The following HS2ST1 variants were observed in gnomAD, a reference collection of about 807,000 sequenced individuals.
HS2ST1 encodes the protein 2-O-sulfotransferase.
In HS2ST1, 18 loss-of-function variants were observed where a neutral mutation model predicts 42.9. The observed-to-expected ratio is 0.42, with a 90% confidence interval of 0.29 to 0.62. The LOEUF (loss-of-function observed/expected upper bound fraction) is 0.62. HS2ST1 is among the 20% of genes least tolerant of loss of function. The probability of loss-of-function intolerance (pLI) is 0.21; values close to 1 mark genes in which losing one functional copy is unlikely to be tolerated. For synonymous variants in HS2ST1, 146 were observed against 152.9 expected (o/e 0.95, Z 0.33); for missense variants, 334 against 433.8 (o/e 0.77, Z 2.04).
chr1:86,918,653 A>AT (rs1443067265), intron 1 of HS2ST1, among the ~76,000 whole-genome samples: 1 of 152,072 alleles, frequency 6.6e-6, no homozygotes, highest in Non-Finnish European at 1.5e-5. Context: ...ATATTTTATA[A>AT]TTTAACAGAT....
At chr1:87,093,245 A>T (rs1367041165) in intron 4 of HS2ST1, among the ~76,000 whole-genome samples, 1 of 152,110 alleles carries the variant, frequency 6.6e-6, no homozygotes, top group African/African-American at 2.4e-5. Flanking sequence ...AAGACATAGG[A>T]GACACAACTG....
At chr1:87,060,990 A>G in intron 1 of HS2ST1, among the ~76,000 whole-genome samples, 1 of 152,148 alleles carries the variant, frequency 6.6e-6, no homozygotes, top group East Asian at 1.9e-4. Context: ...GTTGTGAAAG[A>G]AAATTTGATA....
chr1:86,985,082 G>A (rs1334513103), intron 1 of HS2ST1, among the ~76,000 whole-genome samples: 2 of 151,472 alleles, frequency 1.3e-5, no homozygotes, highest in Admixed American at 6.6e-5. Context: ...TTGGCCAGGC[G>A]CGGTGGCTCA....
At chr1:87,045,327 A>G in intron 1 of HS2ST1, 1 of 1,244,796 alleles carries the variant, frequency 8.0e-7, no homozygotes, top group South Asian at 1.2e-5. Context: ...CTCATTCCAA[A>G]TTCTGACAAC....
intron 1 of HS2ST1, among the ~76,000 whole-genome samples, chr1:86,943,643 C>G (rs944774221): frequency 6.6e-6 from 1 of 151,632 alleles, no homozygotes; most frequent in Non-Finnish European, 1.5e-5. Flanking sequence ...GATCTGAGCC[C>G]TGGGAGATTG....
intron 1 of HS2ST1, among the ~76,000 whole-genome samples, chr1:86,986,382 C>T (rs1648786086): frequency 6.6e-6 from 1 of 152,066 alleles, no homozygotes; most frequent in African/African-American, 2.4e-5. Flanking sequence ...TCTATCGAAA[C>T]GTGCTATTAA....
At chr1:87,002,280 G>C (rs1405067529) in intron 1 of HS2ST1, among the ~76,000 whole-genome samples, 2 of 152,096 alleles carry the variant, frequency 1.3e-5, no homozygotes, top group African/African-American at 4.8e-5. Context: ...TTTGTATGTA[G>C]CTACTATTTA....
chr1:86,951,570 T>C (rs1031281680), intron 1 of HS2ST1, among the ~76,000 whole-genome samples: 1 of 152,236 alleles, frequency 6.6e-6, no homozygotes, highest in South Asian at 2.1e-4. Flanking sequence ...TCTGAGTCTT[T>C]AGTGAGTTAT....
chr1:87,106,102 A>G lies in HS2ST1; in HGVS notation c.*1406A>G, dbSNP rs1490900147. On this transcript the variant is annotated 3_prime_UTR_variant, in exon 7 of 7. Coordinates refer to ENST00000370550, the MANE Select transcript of HS2ST1 (RefSeq NM_012262.4). ...GTAAAGCGCTATGTAAATGTAAGGT[A>G]TTATAGAAACATCTTTAACATATAG... is the stretch of plus-strand genomic sequence containing the variant. 6.6e-6 allele frequency: 1 copy of G among 152,570 alleles called. No individual in the cohort carries two copies. Among genetic ancestry groups the G allele is most frequent in the African/African-American group, 2.4e-5 (1 of 41,456 alleles). The allele number at this position is 152,570 out of a possible 1,614,324, so 9.5% of individuals were successfully genotyped here.
At chr1:86,937,254 T>G (rs897860047) in intron 1 of HS2ST1, among the ~76,000 whole-genome samples, 11 of 152,156 alleles carry the variant, frequency 7.2e-5, no homozygotes, top group Admixed American at 7.2e-4. Flanking sequence ...GCCTGCACCT[T>G]CCTCCCTCCT....
At position 87,101,035 on chromosome 1, in the gene HS2ST1, C is replaced by T. The variant is rs2100656338; in HGVS notation, c.687-2397C>T. ...TCCAACTTTAAGTCATTCCTTTGCT[C>T]TTGCATTTGATTGTAGCCTCTTAGA... On this transcript the variant is annotated intron_variant, in intron 5 of 6. Transcript: ENST00000370550. Among the ~76,000 whole-genome samples, 2 of 151,710 alleles carry T rather than the reference C, an allele frequency of 1.3e-5. 1 individual carries two copies. Among genetic ancestry groups the T allele is most frequent in the South Asian group, 4.2e-4 (2 of 4,804 alleles).
At chr1:87,010,606 A>G (rs573262734) in intron 1 of HS2ST1, among the ~76,000 whole-genome samples, 75 of 152,206 alleles carry the variant, frequency 4.9e-4, no homozygotes, top group Non-Finnish European at 8.8e-4. Context: ...CATGTTAGAT[A>G]TTTTCATATG....
At chr1:87,046,321 C>T in intron 1 of HS2ST1, 2 of 735,388 alleles carry the variant, frequency 2.7e-6, no homozygotes, top group Non-Finnish European at 5.1e-6. Context: ...TGTAACACAC[C>T]TTCAGAACCT....
At chr1:87,064,630 A>T in intron 1 of HS2ST1, 1 of 453,678 alleles carries the variant, frequency 2.2e-6, no homozygotes, top group Non-Finnish European at 4.4e-6. Flanking sequence ...TTAGTCCCCC[A>T]TGGTGATTGT....
chr1:87,063,420 T>G (rs1183130426), intron 1 of HS2ST1, among the ~76,000 whole-genome samples: 2 of 152,300 alleles, frequency 1.3e-5, no homozygotes, highest in East Asian at 1.9e-4. Context: ...CACCGCAGCC[T>G]CTGCTTCCCA....
intron 1 of HS2ST1, among the ~76,000 whole-genome samples, chr1:87,012,574 G>A (rs1440118575): frequency 6.6e-6 from 1 of 152,102 alleles, no homozygotes; most frequent in Admixed American, 6.6e-5. Context: ...TTTGGGTGAG[G>A]ACACAGCCAA....
rs147237837 is a variant in HS2ST1, at chr1:87,095,725, C to CTTTTG, written c.589-2092_589-2088dup. 3.9e-3 allele frequency among the ~76,000 whole-genome samples: 589 copies of CTTTTG among 152,094 alleles called. 4 individuals are homozygous for CTTTTG. The highest frequency in any genetic ancestry group is 0.012 in the African/African-American group (514 of 41,526). Reference sequence around the variant, plus strand: ...AAATTATTAAGGATTGCCCAAAGAGCTTTTGTTTTGTTTTGTTTTGTTTTG... The same window carrying CTTTTG: ...AAATTATTAAGGATTGCCCAAAGAGCTTTTGTTTTGTTTTGTTTTGTTTTGTTTTG... On this transcript the variant is annotated intron_variant, in intron 4 of 6. Coordinates refer to ENST00000370550, the MANE Select transcript of HS2ST1 (RefSeq NM_012262.4).
chr1:87,064,026 C>T (rs1175057509), intron 1 of HS2ST1, among the ~76,000 whole-genome samples: 1 of 152,170 alleles, frequency 6.6e-6, no homozygotes. Flanking sequence ...TCTGACATCA[C>T]CCCATCAGGG....
chr1:87,010,940 C>T (rs1017670660), intron 1 of HS2ST1, among the ~76,000 whole-genome samples: 3 of 151,972 alleles, frequency 2.0e-5, no homozygotes, highest in African/African-American at 7.3e-5. Flanking sequence ...TGTGTGCTGC[C>T]ATGCCCAGCT....
Sources: gnomAD v4.1 joint callset for allele counts (sites outside exome capture counted in the v4.1 genomes callset) on GRCh38, gnomAD v4.1.1 for gene constraint, MANE v1.5 for transcripts, NCBI Gene and HGNC (gene_info 2026-07-23, HGNC 2026-07-21) for gene names.